The following FXR2 variants were observed in gnomAD, a reference collection of about 807,000 sequenced individuals.
FXR2 encodes FMR1 autosomal homolog 2, also known as RNA-binding protein FXR2.
A neutral mutation model predicts 87.3 loss-of-function variants in FXR2; 9 were observed. The observed-to-expected ratio is 0.10, with a 90% CI of 0.06 to 0.18. The LOEUF (loss-of-function observed/expected upper bound fraction) is 0.18, where lower values mean the gene tolerates loss of function less well. FXR2 is among the 10% of genes least tolerant of loss of function. The pLI, the probability that FXR2 is intolerant of heterozygous loss-of-function variation, is 1.00. For synonymous variants in FXR2, 331 were observed against 328.3 expected, an observed-to-expected ratio of 1.01 and a Z score of -0.09; for missense variants, 661 against 893.6, an observed-to-expected ratio of 0.74 and a Z score of 3.32.
rs2071661976 is a variant in FXR2 at position 7,591,691 on chromosome 17, T to C, written c.*139A>G. Reference sequence around the variant, plus strand: ...ACACCCCTCCACTAGCTCCTGGAGGTTGGGGGGTACCCAAGCTGCTGTGCC... The same window carrying C: ...ACACCCCTCCACTAGCTCCTGGAGGCTGGGGGGTACCCAAGCTGCTGTGCC... On this transcript the variant is annotated 3_prime_UTR_variant, in exon 17 of 17. Coordinates refer to ENST00000250113, the MANE Select transcript of FXR2 (RefSeq NM_004860.4). The surrounding 1 kb of genome is among the most constrained non-coding windows in gnomAD (Gnocchi z 4.0). 2 of 695,428 alleles carry C rather than the reference T, an allele frequency of 2.9e-6. No homozygotes were observed. Among genetic ancestry groups the C allele is most frequent in the South Asian group, 1.5e-5 (1 of 64,734 alleles). The allele number at this position is 695,428 out of a possible 1,614,324, so 43.1% of individuals were successfully genotyped here. A position where few individuals can be genotyped will look rare whatever the true frequency, so the allele number is the denominator to read the frequency against.
chr17:7,613,483 G>A (rs545854137), intron 1 of FXR2, among the ~76,000 whole-genome samples: 2 of 152,248 alleles, frequency 1.3e-5, no homozygotes, highest in East Asian at 3.9e-4. Flanking sequence ...GAGTTCTAAG[G>A]AACCAAATCC....
In FXR2 at chr17:7,595,935, C is replaced by T; in HGVS notation, c.720G>A (p.Met240Ile). The T allele has an allele frequency of 6.2e-7, 1 of 1,613,684 alleles. No homozygotes were observed. Among genetic ancestry groups the T allele is most frequent in the Non-Finnish European group, 8.5e-7 (1 of 1,179,676 alleles). The change falls in exon 8 of 17, where the codon ATG becomes ATA. Residue 240 changes from methionine to isoleucine, a missense_variant. Met to Ile is a conservative substitution (Grantham distance 10, BLOSUM62 1). Transcript: ENST00000250113. The surrounding 1 kb of genome is among the most constrained non-coding windows in gnomAD (Gnocchi z 4.7). The stretch of plus-strand genomic sequence containing the variant: ...CACCGTGAGTCCCAATTGCCAGTCC[C>T]ATCAGGTCCTCTCGCACTGTGAACT... ...QEEFTVREDLMGLAIGTHGAN... is the reference protein window; with the variant it reads ...QEEFTVREDLIGLAIGTHGAN...
Position 7,594,234 on chromosome 17 carries a change from A to G in FXR2, c.1020+4T>C, listed in dbSNP as rs770336133. 5.2e-6 allele frequency: 8 copies of G among 1,543,698 alleles called. No individual in the cohort carries two copies. The African/African-American group carries it at 5.5e-5, about 11-fold the overall frequency. On this transcript the variant is annotated splice_donor_region_variant and intron_variant, in intron 10 of 16. Transcript: ENST00000250113. The surrounding 1 kb of genome is among the most constrained non-coding windows in gnomAD (Gnocchi z 5.1). ...CTCTATGCCCACTTGCCCCGTACCC[A>G]TACCTCCTCCCTGGGGTTCTTCTTG...
intron 6 of FXR2, 172 bp downstream of exon 6, chr17:7,602,737 A>G: frequency 1.9e-6 from 1 of 532,232 alleles, no homozygotes; most frequent in East Asian, 3.1e-5. Context: ...CTCAAAAAAA[A>G]GAAAAAAAAA....
At chr17:7,603,946 G>A in intron 4 of FXR2, 41 bp from the exon 5 acceptor site, 1 of 1,611,984 alleles carries the variant, frequency 6.2e-7, no homozygotes, top group South Asian at 1.1e-5. Flanking sequence ...GATGACCTGA[G>A]CAACTTTCTA....
rs765500745 is a variant in FXR2, at chr17:7,591,786, G to A, written c.*44C>T. On this transcript the variant is annotated 3_prime_UTR_variant, in exon 17 of 17. Coordinates refer to ENST00000250113, the MANE Select transcript of FXR2 (RefSeq NM_004860.4). This position sits in a 1 kb window ranked among gnomAD's most constrained non-coding sequence, Gnocchi z 4.0. ...TGGGCCTGTGAGGGCCATGGTGTTG[G>A]GCAGCAAGCGAGATGGAGAAGGGAG... 2 of 1,036,010 alleles carry A rather than the reference G, an allele frequency of 1.9e-6. No homozygotes were observed. The highest frequency in any genetic ancestry group is 1.6e-5 in the African/African-American group (1 of 63,870). The allele number at this position is 1,036,010 out of a possible 1,614,324, so 64.2% of individuals were successfully genotyped here.
Position 7,593,165 on chromosome 17 carries a change from C to T in FXR2, c.1347G>A (p.Val449=). Residue 449 remains valine, a synonymous_variant, in exon 13 of 17, where the codon GTG becomes GTA. Coordinates refer to ENST00000250113, the MANE Select transcript of FXR2 (RefSeq NM_004860.4). This position sits in a 1 kb window ranked among gnomAD's most constrained non-coding sequence, Gnocchi z 6.1. ...GGPAYGPSSD[V]STASETESEK... ...CTGACTCAGTCTCTGAAGCTGTAGA[C>T]ACATCTGAGCTGGGGCCTGAAGAAC... is the stretch of plus-strand genomic sequence containing the variant. The T allele has an allele frequency of 6.6e-7, 1 of 1,525,710 alleles. No homozygotes were observed. The highest frequency in any genetic ancestry group is 8.8e-7 in the Non-Finnish European group (1 of 1,138,510). The allele number at this position is 1,525,710 out of a possible 1,614,324, so 94.5% of individuals were successfully genotyped here.
chr17:7,603,639 G>C, intron 5 of FXR2, 118 bp downstream of exon 5: 1 of 884,940 alleles, frequency 1.1e-6, no homozygotes, highest in Non-Finnish European at 1.8e-6. Context: ...AAGGGCTCTA[G>C]TAGAGGGCCA....
intron 7 of FXR2, among the ~76,000 whole-genome samples, chr17:7,598,178 C>T (rs1346463658): frequency 6.6e-6 from 1 of 152,150 alleles, no homozygotes; most frequent in Non-Finnish European, 1.5e-5. Context: ...CGGCCGGGCA[C>T]AGTGGCTCTC....
intron 5 of FXR2, 26 bp downstream of exon 5, chr17:7,603,731 T>TCATTCCCA (rs2071779020): frequency 6.2e-7 from 1 of 1,611,448 alleles, no homozygotes; most frequent in African/African-American, 1.3e-5. Context: ...AAGAGGGCCC[T>TCATTCCCA]CATTCCCACC....
chr17:7,607,917 C>G (rs1438105171), intron 1 of FXR2, among the ~76,000 whole-genome samples: 1 of 152,100 alleles, frequency 6.6e-6, no homozygotes, highest in African/African-American at 2.4e-5. Context: ...CTCAGCCTCC[C>G]AAGTAGCTGG....
chr17:7,609,957 T>TATATATACATGTATATGTATAC (rs2071840624), intron 1 of FXR2, among the ~76,000 whole-genome samples: 27 of 60,760 alleles, frequency 4.4e-4, no homozygotes, highest in African/African-American at 9.4e-4. Flanking sequence ...TATGTATACA[T>TATATATACATGTATATGTATAC]ATATATACAT....
intron 6 of FXR2, among the ~76,000 whole-genome samples, chr17:7,601,977 C>T (rs1002891109): frequency 6.6e-6 from 1 of 152,058 alleles, no homozygotes; most frequent in Non-Finnish European, 1.5e-5. Context: ...GTCAGTCCCA[C>T]AAAGGCTGAC....
chr17:7,597,496 C>CT (rs1246146130), intron 7 of FXR2, among the ~76,000 whole-genome samples: 12 of 135,672 alleles, frequency 8.8e-5, no homozygotes, highest in Admixed American at 4.4e-4. Context: ...TTTTTTTTTT[C>CT]TTTTTTTTGA....
intron 7 of FXR2, among the ~76,000 whole-genome samples, chr17:7,598,247 A>C (rs2071723982): frequency 6.6e-6 from 1 of 151,662 alleles, no homozygotes; most frequent in African/African-American, 2.4e-5. Context: ...TCAGGAGATC[A>C]AGACCATCCT....
chr17:7,614,156 G>C (rs977270082), intron 1 of FXR2: 19 of 626,276 alleles, frequency 3.0e-5, no homozygotes, highest in African/African-American at 2.5e-4. Flanking sequence ...TAGAAGCTGG[G>C]TAAAGGGGTC....
At chr17:7,610,992 G>A (rs1266886482) in intron 1 of FXR2, among the ~76,000 whole-genome samples, 2 of 152,216 alleles carry the variant, frequency 1.3e-5, no homozygotes, top group African/African-American at 2.4e-5. Context: ...TCTAGGAGAA[G>A]AGCAGGAACA....
intron 7 of FXR2, among the ~76,000 whole-genome samples, chr17:7,596,838 C>G (rs1010847934): frequency 1.3e-5 from 2 of 152,154 alleles, no homozygotes; most frequent in Admixed American, 1.3e-4. Flanking sequence ...CGCGGTGGCT[C>G]ACGCCTGTAA....
chr17:7,610,189 A>G (rs2071852238), intron 1 of FXR2, among the ~76,000 whole-genome samples: 1 of 151,904 alleles, frequency 6.6e-6, no homozygotes, highest in Admixed American at 6.6e-5. Flanking sequence ...GATTTCTAGA[A>G]TTATTCCAAC....
Sources: gnomAD v4.1 joint callset for allele counts (sites outside exome capture counted in the v4.1 genomes callset) on GRCh38, gnomAD v4.1.1 for gene constraint, Gnocchi (gnomAD v3.1) non-coding constraint, MANE v1.5 for transcripts, NCBI Gene and HGNC (gene_info 2026-07-23, HGNC 2026-07-21) for gene names.